The following POMZP3 variants were observed in gnomAD, a reference collection of about 807,000 sequenced individuals.
POMZP3 encodes POM121 and ZP3 fusion.
A neutral mutation model predicts 19.8 loss-of-function variants in POMZP3; 10 were observed. The observed-to-expected ratio is 0.51, with a 90% confidence interval of 0.31 to 0.86. The LOEUF (loss-of-function observed/expected upper bound fraction) is 0.86, where lower values mean the gene tolerates loss of function less well. Among genes scored for constraint, POMZP3 ranks in the 40% least tolerant of loss-of-function variants. POMZP3 has a pLI of 0.04. For missense variants in POMZP3, 152 were observed against 228.1 expected (o/e 0.67, Z 2.15); for synonymous variants, 57 against 85.8 (o/e 0.66, Z 1.85).
rs1341418753 is a variant in POMZP3 at position 76,615,992 on chromosome 7, G to T, written c.345+2191C>A. 1.1e-3 allele frequency among the ~76,000 whole-genome samples: 68 copies of T among 61,838 alleles called. 24 individuals are homozygous for T. The highest frequency in any genetic ancestry group is 5.5e-3 in the African/African-American group (65 of 11,778). The allele number at this position is 61,838 out of a possible 152,430, so 40.6% of individuals were successfully genotyped here. On this transcript the variant is annotated intron_variant, in intron 4 of 6. Coordinates refer to ENST00000310842, the MANE Select transcript of POMZP3 (RefSeq NM_012230.5). ...CCCTCTCAAAAAAAAAAAAAAAAGG[G>T]GGGGGGGGCAGGTGGCACGTGGTGG...
At position 76,627,108 on chromosome 7, in the gene POMZP3, C is replaced by T. The variant is rs1445109637; in HGVS notation, c.-552G>A. ...AGGCCGCGGTAGTCCCCACGGCCAGCCAGGCCAGCGCAGCCGCAGCAGGCA... is the reference window on the plus strand; with the variant it reads ...AGGCCGCGGTAGTCCCCACGGCCAGTCAGGCCAGCGCAGCCGCAGCAGGCA... On this transcript the variant is annotated 5_prime_UTR_variant, in exon 1 of 7. Transcript: ENST00000310842. The T allele has an allele frequency of 1.5e-6, 2 of 1,369,376 alleles. No homozygotes were observed. Among genetic ancestry groups the T allele is most frequent in the Non-Finnish European group, 1.9e-6 (2 of 1,039,626 alleles). The allele number at this position is 1,369,376 out of a possible 1,614,324, so 84.8% of individuals were successfully genotyped here. A position where few individuals can be genotyped will look rare whatever the true frequency, so the allele number is the denominator to read the frequency against.
Position 76,616,804 on chromosome 7 carries a change from C to T in POMZP3, c.345+1379G>A, listed in dbSNP as rs538194787. On this transcript the variant is annotated intron_variant, in intron 4 of 6. Transcript: ENST00000310842. ...CCAGGAGGTAGAGGTTGCAGTGAGC[C>T]GAGACTGTGCCATTGCATTCCAGCC... Among the ~76,000 whole-genome samples the T allele has an allele frequency of 2.8e-4, 26 of 92,594 alleles. 11 individuals are homozygous for T. The highest frequency in any genetic ancestry group is 1.0e-3 in the African/African-American group (24 of 22,936). 60.7% of individuals were successfully genotyped at this position (92,594 alleles called of 152,430 possible).
chr7:76,620,008 T>C (rs188180868), intron 3 of POMZP3, among the ~76,000 whole-genome samples: 16 of 81,934 alleles, frequency 2.0e-4, no homozygotes, highest in East Asian at 5.7e-4. Flanking sequence ...GACAGGGTGA[T>C]ATCTTGTCTC....
At chr7:76,619,599 T>A (rs1815439881) in intron 3 of POMZP3, among the ~76,000 whole-genome samples, 1 of 150,590 alleles carries the variant, frequency 6.6e-6, no homozygotes, top group African/African-American at 2.4e-5. Flanking sequence ...CTTTTTTTTT[T>A]TTTTTGGAAC....
chr7:76,610,331 T>A (rs1387238622), intron 6 of POMZP3, 116 bp from the exon 7 acceptor site: 66 of 1,135,186 alleles, frequency 5.8e-5, no homozygotes, highest in Admixed American at 2.1e-4. Context: ...TTGTGTGGGC[T>A]AATAAACAGT....
intron 4 of POMZP3, among the ~76,000 whole-genome samples, 161 bp from the exon 5 acceptor site, chr7:76,611,974 A>G (rs567741479): frequency 6.6e-6 from 1 of 151,466 alleles, no homozygotes; most frequent in African/African-American, 2.4e-5. Context: ...CAAGGCGGGT[A>G]TATCACCTGA....
intron 1 of POMZP3, 62 bp downstream of exon 1, chr7:76,626,646 A>G: frequency 1.5e-6 from 2 of 1,348,722 alleles, no homozygotes; most frequent in South Asian, 1.7e-5. Flanking sequence ...ATCGGATTTA[A>G]AAGTCCTCGA....
chr7:76,625,765 C>G, intron 2 of POMZP3, 82 bp from the exon 3 acceptor site: 2 of 1,500,862 alleles, frequency 1.3e-6, no homozygotes, highest in Non-Finnish European at 1.8e-6. Flanking sequence ...AGCTAACCAA[C>G]AAGCCAAAGT....
Position 76,610,072 on chromosome 7 carries a change from G to GAGTC in POMZP3, c.*151_*154dup. 8.0e-7 allele frequency: 1 copy of GAGTC among 1,257,266 alleles called. No individual in the cohort carries two copies. 77.9% of individuals were successfully genotyped at this position (1,257,266 alleles called of 1,614,324 possible). On this transcript the variant is annotated 3_prime_UTR_variant, in exon 7 of 7. Coordinates refer to ENST00000310842, the MANE Select transcript of POMZP3 (RefSeq NM_012230.5). ...GTGAGAACCAGGATAACAGCAGTCA[G>GAGTC]AGTCAGGGACACCACCACAGCCAGG...
intron 3 of POMZP3, chr7:76,621,331 CA>C (rs1563803800): frequency 6.8e-6 from 1 of 148,146 alleles, no homozygotes; most frequent in Non-Finnish European, 1.5e-5. Context: ...TGCTGGAACC[CA>C]GTGTCTTGCT....
intron 1 of POMZP3, 129 bp from the exon 2 acceptor site, chr7:76,626,344 CGTT>C (rs1815896834): frequency 5.2e-6 from 5 of 957,262 alleles, no homozygotes; most frequent in Admixed American, 2.7e-5. Context: ...ACACAGAACA[CGTT>C]GTTTTTATGG....
Position 76,627,112 on chromosome 7 carries a change from G to T in POMZP3, c.-556C>A. Reference sequence around the variant, plus strand: ...CGCGGTAGTCCCCACGGCCAGCCAGGCCAGCGCAGCCGCAGCAGGCACGAG... The same window carrying T: ...CGCGGTAGTCCCCACGGCCAGCCAGTCCAGCGCAGCCGCAGCAGGCACGAG... On this transcript the variant is annotated 5_prime_UTR_variant, in exon 1 of 7. Transcript: ENST00000310842. The T allele has an allele frequency of 7.3e-7, 1 of 1,375,178 alleles. No homozygotes were observed. Among genetic ancestry groups the T allele is most frequent in the Non-Finnish European group, 9.6e-7 (1 of 1,043,064 alleles). The allele number at this position is 1,375,178 out of a possible 1,614,324, so 85.2% of individuals were successfully genotyped here. A position where few individuals can be genotyped will look rare whatever the true frequency, so the allele number is the denominator to read the frequency against.
intron 3 of POMZP3, 49 bp from the exon 4 acceptor site, chr7:76,618,349 C>T (rs1815363803): frequency 1.9e-6 from 3 of 1,613,010 alleles, no homozygotes; most frequent in Non-Finnish European, 2.5e-6. Flanking sequence ...GGGCCGGGCA[C>T]CGTGGCTCAC....
chr7:76,614,518 C>T (rs1815218878), intron 4 of POMZP3, among the ~76,000 whole-genome samples: 1 of 77,218 alleles, frequency 1.3e-5, no homozygotes, highest in East Asian at 3.0e-4. Flanking sequence ...TGAGATTACG[C>T]CATTGCACTC....
intron 3 of POMZP3, among the ~76,000 whole-genome samples, chr7:76,624,977 A>G (rs1477318112): frequency 6.0e-5 from 9 of 150,902 alleles, no homozygotes; most frequent in Non-Finnish European, 1.2e-4. Flanking sequence ...CTAAAAATAC[A>G]AAAAAATTAG....
At chr7:76,611,978 C>A (rs1815132095) in intron 4 of POMZP3, among the ~76,000 whole-genome samples, 165 bp from the exon 5 acceptor site, 1 of 151,250 alleles carries the variant, frequency 6.6e-6, no homozygotes, top group Non-Finnish European at 1.5e-5. Context: ...GCGGGTATAT[C>A]ACCTGAGGTC....
Position 76,611,542 on chromosome 7 carries a change from C to T in POMZP3, c.487G>A (p.Gly163Ser). The change falls in exon 6 of 7, where the codon GGT becomes AGT. Residue 163 changes from glycine (G) to serine (S), a missense_variant. Coordinates refer to ENST00000310842, the MANE Select transcript of POMZP3 (RefSeq NM_012230.5). ...GAATGGCTTGGAGTGCCACAGTCAC[C>T]TTTGTTACAGCATTGACAGATGTCA... Reference protein sequence around the residue: ...LADICQCCNKGDCGTPSHSRR... With the variant: ...LADICQCCNKSDCGTPSHSRR... The T allele has an allele frequency of 2.5e-6, 4 of 1,605,024 alleles. No homozygotes were observed. Among genetic ancestry groups the T allele is most frequent in the South Asian group, 1.1e-5 (1 of 90,920 alleles).
At chr7:76,624,765 C>G (rs1033772869) in intron 3 of POMZP3, among the ~76,000 whole-genome samples, 2 of 151,426 alleles carry the variant, frequency 1.3e-5, no homozygotes, top group African/African-American at 4.8e-5. Flanking sequence ...GTTTTAATCT[C>G]ATTACTGATA....
In POMZP3 at chr7:76,626,235, A is replaced by C; in HGVS notation, c.-151-20T>G. On this transcript the variant is annotated intron_variant, in intron 1 of 6. Transcript: ENST00000310842. ...CGATCCCTGCAGAGAATGCGAGACA[A>C]ATCATGGAAACAAAGTATAAAAGAA... 6.5e-7 allele frequency: 1 copy of C among 1,527,154 alleles called. No homozygotes were observed. The highest frequency in any genetic ancestry group is 8.9e-7 in the Non-Finnish European group (1 of 1,127,218). 94.6% of individuals were successfully genotyped at this position (1,527,154 alleles called of 1,614,324 possible). A position where few individuals can be genotyped will look rare whatever the true frequency, so the allele number is the denominator to read the frequency against.
Sources: gnomAD v4.1 joint callset for allele counts (sites outside exome capture counted in the v4.1 genomes callset) on GRCh38, gnomAD v4.1.1 for gene constraint, MANE v1.5 for transcripts, NCBI Gene and HGNC (gene_info 2026-07-23, HGNC 2026-07-21) for gene names.